The following SOCS5 variants were observed in gnomAD, a reference collection of about 807,000 sequenced individuals.
SOCS5 encodes the protein suppressor of cytokine signaling 5.
In SOCS5, 32 loss-of-function variants were observed where a neutral mutation model predicts 42.8. That is an observed-to-expected ratio of 0.75 (90% CI 0.56 to 1.01). SOCS5 has a LOEUF of 1.01. Among genes scored for constraint, SOCS5 ranks in the 50% least tolerant of loss-of-function variants. The pLI is 0.00. For synonymous variants in SOCS5, 283 were observed against 229.6 expected, an observed-to-expected ratio of 1.23 and a Z score of -2.10; for missense variants, 627 against 653.0, an observed-to-expected ratio of 0.96 and a Z score of 0.43.
chr2:46,745,021 G>T (rs1041446412), intron 1 of SOCS5, among the ~76,000 whole-genome samples: 2 of 151,522 alleles, frequency 1.3e-5, no homozygotes, highest in Non-Finnish European at 2.9e-5. Context: ...GGATTTCCAG[G>T]ATTGACCTGC....
intron 1 of SOCS5, among the ~76,000 whole-genome samples, chr2:46,731,463 T>G (rs980390949): frequency 4.6e-5 from 7 of 152,230 alleles, no homozygotes; most frequent in African/African-American, 1.7e-4. Flanking sequence ...GTTTTCGTTA[T>G]GACAGCCAGA....
intron 1 of SOCS5, among the ~76,000 whole-genome samples, chr2:46,753,220 C>T (rs542584647): frequency 2.3e-4 from 35 of 152,274 alleles, no homozygotes; most frequent in South Asian, 6.2e-4. Flanking sequence ...TTCTTCTTAT[C>T]CTTCAGGATA....
chr2:46,747,913 G>T (rs78530730), intron 1 of SOCS5, among the ~76,000 whole-genome samples: 7,343 of 152,216 alleles, frequency 0.048, 250 homozygotes, highest in Middle Eastern at 0.17. Context: ...TGATAGGTTA[G>T]GTTTAATTTT....
Position 46,759,032 on chromosome 2 carries a change from T to G in SOCS5, c.502T>G (p.Ser168Ala), listed in dbSNP as rs780519623. Reference protein sequence around the residue: ...VSSVHDMDSVSSRTVGSRSLR... With the variant: ...VSSVHDMDSVASRTVGSRSLR... The stretch of plus-strand genomic sequence containing the variant: ...TTCTGTACACGACATGGACAGTGTT[T>G]CCAGCAGAACTGTAGGAAGTCGCTC... The change falls in exon 2 of 2, where the codon TCC becomes GCC. Residue 168 changes from serine to alanine, a missense_variant. Physicochemically the swap from Ser to Ala is moderately conservative, Grantham distance 99 (BLOSUM62 1). This residue lies in a region of SOCS5 where 278 missense variants were observed against 246.3 expected (regional missense o/e 1.13). Transcript: ENST00000394861. 27 of 1,613,900 alleles carry G rather than the reference T, an allele frequency of 1.7e-5. No individual in the cohort carries two copies. The highest frequency in any genetic ancestry group is 1.6e-4 in the Middle Eastern group (1 of 6,078).
intron 1 of SOCS5, among the ~76,000 whole-genome samples, chr2:46,751,689 T>C (rs1673625554): frequency 1.3e-5 from 2 of 152,208 alleles, no homozygotes; most frequent in Non-Finnish European, 1.5e-5. Context: ...ATTTACTTAA[T>C]GCACTTAAGA....
intron 1 of SOCS5, among the ~76,000 whole-genome samples, chr2:46,754,592 C>T (rs1673693591): frequency 6.6e-6 from 1 of 151,966 alleles, no homozygotes; most frequent in Non-Finnish European, 1.5e-5. Context: ...TAGAGGACTG[C>T]ACCTCTTTTT....
At position 46,760,062 on chromosome 2, in the gene SOCS5, A is replaced by T. The variant is rs770959721; in HGVS notation, c.1532A>T (p.Gln511Leu). The change falls in exon 2 of 2, where the codon CAG (glutamine) becomes CTG (leucine). Residue 511 changes from glutamine (Q) to leucine (L), a missense_variant. This residue lies in a region of SOCS5 where 340 missense variants were observed against 367.6 expected (regional missense o/e 0.92). Transcript: ENST00000394861. ...IDGLPLPSML[Q>L]DFLKEYHYKQ... is the part of the protein sequence containing the mutation. ...GGGCTCCCTCTACCCTCAATGTTACAGGATTTTTTAAAAGAGTATCATTAT... is the reference window on the plus strand; with the variant it reads ...GGGCTCCCTCTACCCTCAATGTTACTGGATTTTTTAAAAGAGTATCATTAT... 1 of 1,614,024 alleles carries T rather than the reference A, an allele frequency of 6.2e-7. No homozygotes were observed. The highest frequency in any genetic ancestry group is 8.5e-7 in the Non-Finnish European group (1 of 1,179,900).
chr2:46,737,269 AC>A (rs1673275143), intron 1 of SOCS5, among the ~76,000 whole-genome samples: 1 of 152,216 alleles, frequency 6.6e-6, no homozygotes, highest in Non-Finnish European at 1.5e-5. Flanking sequence ...GAGACACAGG[AC>A]AGTACAATCT....
intron 1 of SOCS5, among the ~76,000 whole-genome samples, chr2:46,745,757 C>T (rs958539004): frequency 2.0e-5 from 3 of 152,084 alleles, no homozygotes; most frequent in Admixed American, 1.3e-4. Context: ...AAATCTCTTT[C>T]GATTGTTTAT....
chr2:46,730,311 A>G (rs559554860), intron 1 of SOCS5, among the ~76,000 whole-genome samples: 1 of 152,236 alleles, frequency 6.6e-6, no homozygotes. Context: ...TTAGATTAAG[A>G]TTAGGTTGGC....
chr2:46,740,454 C>T (rs550368121), intron 1 of SOCS5, among the ~76,000 whole-genome samples: 2 of 152,256 alleles, frequency 1.3e-5, no homozygotes, highest in East Asian at 1.9e-4. Context: ...TAAGGATACA[C>T]ATGATGTGTA....
chr2:46,760,470 A>G lies in SOCS5; in HGVS notation c.*329A>G. 4.5e-6 allele frequency: 1 copy of G among 224,716 alleles called. No individual in the cohort carries two copies. The highest frequency in any genetic ancestry group is 2.3e-5 in the African/African-American group (1 of 43,356). 13.9% of individuals were successfully genotyped at this position (224,716 alleles called of 1,614,324 possible). ...AATTCTATTTCTTACTGAAGAACAA[A>G]TTATTAATATTGGATGAGTATTTCA... On this transcript the variant is annotated 3_prime_UTR_variant, in exon 2 of 2. Transcript: ENST00000394861.
At chr2:46,725,386 G>T (rs1036354649) in intron 1 of SOCS5, among the ~76,000 whole-genome samples, 1 of 151,794 alleles carries the variant, frequency 6.6e-6, no homozygotes, top group African/African-American at 2.4e-5. Context: ...TTTAGATTTG[G>T]CTCTGCTGTT....
At chr2:46,756,199 A>G (rs1673726607) in intron 1 of SOCS5, among the ~76,000 whole-genome samples, 1 of 152,324 alleles carries the variant, frequency 6.6e-6, no homozygotes, top group South Asian at 2.1e-4. Context: ...TATAATTTGC[A>G]TGTCAGAGAA....
intron 1 of SOCS5, among the ~76,000 whole-genome samples, chr2:46,710,915 A>G (rs1672606257): frequency 6.6e-6 from 1 of 152,110 alleles, no homozygotes; most frequent in African/African-American, 2.4e-5. Context: ...TTGTTCTAGA[A>G]TTTTTTATAA....
intron 1 of SOCS5, among the ~76,000 whole-genome samples, chr2:46,730,423 A>G (rs1482331791): frequency 3.3e-5 from 5 of 151,960 alleles, no homozygotes; most frequent in Non-Finnish European, 7.4e-5. Flanking sequence ...CAACATGGTG[A>G]AACCCCGTCT....
chr2:46,728,631 C>T (rs1027568392), intron 1 of SOCS5, among the ~76,000 whole-genome samples: 1 of 152,148 alleles, frequency 6.6e-6, no homozygotes, highest in Non-Finnish European at 1.5e-5. Flanking sequence ...ATCTCAGTCA[C>T]TGCGACCTCC....
At chr2:46,705,331 A>G (rs895163733) in intron 1 of SOCS5, among the ~76,000 whole-genome samples, 9 of 152,180 alleles carry the variant, frequency 5.9e-5, no homozygotes, top group South Asian at 2.1e-4. Flanking sequence ...AACCTGTGCA[A>G]TCTCACGCTG....
At chr2:46,702,077 T>C (rs1672357677) in intron 1 of SOCS5, among the ~76,000 whole-genome samples, 1 of 152,020 alleles carries the variant, frequency 6.6e-6, no homozygotes, top group Admixed American at 6.5e-5. Flanking sequence ...TACCTGAGTT[T>C]ACTCGTTTGT....
Sources: gnomAD v4.1 joint callset for allele counts (sites outside exome capture counted in the v4.1 genomes callset) on GRCh38, gnomAD v4.1.1 for gene constraint, gnomAD v4.1.1 regional missense constraint, MANE v1.5 for transcripts, NCBI Gene and HGNC (gene_info 2026-07-23, HGNC 2026-07-21) for gene names.